The following NRP2 variants were observed in gnomAD, a reference collection of about 807,000 sequenced individuals.
NRP2 encodes the protein neuropilin-2.
A neutral mutation model predicts 110.4 loss-of-function variants in NRP2; 52 were observed. The observed-to-expected ratio is 0.47, with a 90% CI of 0.38 to 0.59. NRP2 has a LOEUF of 0.59. NRP2 is among the 20% of genes least tolerant of loss of function. NRP2 has a pLI of 0.00. For synonymous variants in NRP2, 508 were observed against 468.9 expected (o/e 1.08, Z -1.08); for missense variants, 1,049 against 1,203.0 (o/e 0.87, Z 1.89).
At chr2:205,719,222 C>T (rs1223918431) in intron 3 of NRP2, among the ~76,000 whole-genome samples, 8 of 152,116 alleles carry the variant, frequency 5.3e-5, no homozygotes, top group Admixed American at 1.3e-4. Context: ...AACACAGATA[C>T]GCAAATAGCC....
chr2:205,733,718 T>C (rs3821174), intron 7 of NRP2, among the ~76,000 whole-genome samples: 2,358 of 152,122 alleles, frequency 0.016, 58 homozygotes, highest in South Asian at 0.09. Context: ...TCCTTCCCTC[T>C]TCCTAGGACA....
At chr2:205,724,648 C>T (rs935755149) in intron 5 of NRP2, among the ~76,000 whole-genome samples, 6 of 145,482 alleles carry the variant, frequency 4.1e-5, no homozygotes, top group Admixed American at 1.4e-4. Flanking sequence ...AAAACCCAAA[C>T]GATAACTTTT....
intron 2 of NRP2, among the ~76,000 whole-genome samples, chr2:205,698,078 G>A (rs1277866630): frequency 6.6e-6 from 1 of 152,072 alleles, no homozygotes; most frequent in Non-Finnish European, 1.5e-5. Context: ...TTCCACAGCT[G>A]CTACATGTAT....
chr2:205,733,829 T>C (rs111371662), intron 7 of NRP2, among the ~76,000 whole-genome samples: 1,970 of 149,688 alleles, frequency 0.013, 33 homozygotes, highest in African/African-American at 0.046. Flanking sequence ...TCCCCGCTCC[T>C]CCCTGATGCG....
Position 205,796,397 on chromosome 2 carries a change from C to CA in NRP2, c.*1340dup, listed in dbSNP as rs2058352107. The CA allele has an allele frequency of 6.5e-6, 1 of 152,682 alleles. No homozygotes were observed. The highest frequency in any genetic ancestry group is 1.5e-5 in the Non-Finnish European group (1 of 68,082). The allele number at this position is 152,682 out of a possible 1,614,324, so 9.5% of individuals were successfully genotyped here. ...GCCTTGAGAGACCTAGGTTCTTACA[C>CA]ATATGCACACACGCATACACACATG... On this transcript the variant is annotated 3_prime_UTR_variant, in exon 17 of 17. Transcript: ENST00000357785.
At chr2:205,691,043 C>CGATA (rs1317693527) in intron 1 of NRP2, among the ~76,000 whole-genome samples, 2 of 152,144 alleles carry the variant, frequency 1.3e-5, no homozygotes, top group Admixed American at 1.3e-4. Flanking sequence ...AGAGTCTGTC[C>CGATA]TATCTAGTGA....
intron 12 of NRP2, chr2:205,756,644 T>G (rs1353533855): frequency 6.6e-6 from 1 of 152,234 alleles, no homozygotes; most frequent in East Asian, 1.9e-4. Flanking sequence ...CAGAATGTAT[T>G]GGACAACACT....
chr2:205,722,746 C>G, intron 4 of NRP2, 38 bp downstream of exon 4: 1 of 1,557,346 alleles, frequency 6.4e-7, no homozygotes, highest in South Asian at 1.1e-5. Flanking sequence ...GTAGCTTGGC[C>G]TTTGCCTGTT....
At chr2:205,767,545 G>A (rs1258904767) in intron 15 of NRP2, 6 of 356,790 alleles carry the variant, frequency 1.7e-5, no homozygotes, top group East Asian at 1.8e-4. Context: ...AGCAAAGTGA[G>A]AAGAATTGGG....
intron 16 of NRP2, among the ~76,000 whole-genome samples, chr2:205,793,149 C>A (rs1257726594): frequency 6.6e-6 from 1 of 152,180 alleles, no homozygotes; most frequent in East Asian, 1.9e-4. Context: ...GTCCAACACT[C>A]CTTTTATGGG....
At chr2:205,717,267 T>C (rs1025174929) in intron 3 of NRP2, among the ~76,000 whole-genome samples, 3 of 151,994 alleles carry the variant, frequency 2.0e-5, no homozygotes, top group East Asian at 1.9e-4. Context: ...CTTCCATCTA[T>C]GTGTGTGTCT....
intron 2 of NRP2, among the ~76,000 whole-genome samples, chr2:205,706,764 A>G (rs2056686640): frequency 6.6e-6 from 1 of 152,126 alleles, no homozygotes; most frequent in South Asian, 2.1e-4. Context: ...TGGGGTACTG[A>G]GTTATCTTCT....
Position 205,745,774 on chromosome 2 carries a change from C to T in NRP2, c.1670C>T (p.Thr557Ile), listed in dbSNP as rs889014569. The change falls in exon 10 of 17, where the codon ACC becomes ATC. Residue 557 changes from threonine (T) to isoleucine (I), a missense_variant. Physicochemically the swap from Thr to Ile is moderately conservative, Grantham distance 89 (BLOSUM62 -1). Transcript: ENST00000357785. ...TTCGAAGGGAACATGCACTATGACA[C>T]CCCTGACATCCGAAGGTTTGACCCC... ...KLFEGNMHYD[T>I]PDIRRFDPIP... is the part of the protein sequence containing the mutation. 1 of 1,614,228 alleles carries T rather than the reference C, an allele frequency of 6.2e-7. No individual in the cohort carries two copies. The highest frequency in any genetic ancestry group is 1.6e-4 in the Middle Eastern group (1 of 6,062).
At chr2:205,753,021 G>C in intron 12 of NRP2, 46 bp downstream of exon 12, 1 of 1,610,660 alleles carries the variant, frequency 6.2e-7, no homozygotes, top group African/African-American at 1.3e-5. Flanking sequence ...AGGCCAGCTT[G>C]TTCCACATAC....
intron 11 of NRP2, among the ~76,000 whole-genome samples, chr2:205,750,828 G>A (rs762542219): frequency 9.9e-5 from 15 of 152,184 alleles, no homozygotes; most frequent in Non-Finnish European, 1.8e-4. Flanking sequence ...AAGCACAGCC[G>A]TTTGACAGTT....
In NRP2 at chr2:205,794,661, GT is replaced by G. The variant is rs1225778865; in HGVS notation, c.2477-92del. The G allele has an allele frequency of 2.0e-5, 26 of 1,278,838 alleles. No individual in the cohort carries two copies. In the East Asian group the frequency reaches 6.0e-4, roughly 29 times the overall value. 79.2% of individuals were successfully genotyped at this position (1,278,838 alleles called of 1,614,324 possible). ...TCCAGAGCTGCTGCTGCTAACTACT[GT>G]GCTCTGAAGAGCCTCTGGGCTGGGG... is the stretch of plus-strand genomic sequence containing the variant. On this transcript the variant is annotated intron_variant, in intron 16 of 16. Transcript: ENST00000357785.
intron 2 of NRP2, among the ~76,000 whole-genome samples, chr2:205,699,870 C>T (rs546956055): frequency 6.6e-5 from 10 of 152,282 alleles, no homozygotes; most frequent in Admixed American, 1.3e-4. Flanking sequence ...CTGTTTCTCC[C>T]AGTGCCAAAC....
intron 15 of NRP2, chr2:205,778,271 G>A (rs1165792949): frequency 1.4e-5 from 2 of 148,116 alleles, no homozygotes; most frequent in Non-Finnish European, 3.0e-5. Context: ...ATTCTTTCAC[G>A]ATATCCAGAT....
rs1158636366 is a variant in NRP2 at position 205,794,751 on chromosome 2, C to T, written c.2477-3C>T. On this transcript the variant is annotated splice_region_variant and splice_polypyrimidine_tract_variant and intron_variant, in intron 16 of 16. Coordinates refer to ENST00000357785, the MANE Select transcript of NRP2 (RefSeq NM_003872.3). ...AATCTCTCATGAATTTTATGTATCG[C>T]AGATGAATACGAGGTGGACTGGAGC... 6.2e-7 allele frequency: 1 copy of T among 1,614,106 alleles called. No homozygotes were observed.
Sources: allele counts gnomAD v4.1 joint callset (sites outside exome capture counted in the v4.1 genomes callset), GRCh38; gene constraint gnomAD v4.1.1; transcripts MANE v1.5; gene names NCBI Gene and HGNC (gene_info 2026-07-23, HGNC 2026-07-21).